Variants in NCOA1 observed in about 807,000 individuals in gnomAD.
NCOA1 encodes Hin-2 protein.
NCOA1 carries 35 observed loss-of-function variants against 150.9 expected under a neutral mutation model. The observed-to-expected ratio is 0.23, with a 90% confidence interval of 0.18 to 0.31. The LOEUF is 0.31. Among genes scored for constraint, NCOA1 ranks in the 10% least tolerant of loss-of-function variants. The pLI is 1.00. For synonymous variants in NCOA1, 590 were observed against 630.0 expected (o/e 0.94, Z 0.95); for missense variants, 1,491 against 1,749.3 (o/e 0.85, Z 2.63).
At position 24,568,781 on chromosome 2, in the gene NCOA1, C is replaced by G. The variant is rs572762974; in HGVS notation, c.-260+4351C>G. On this transcript the variant is annotated intron_variant, in intron 2 of 22. Coordinates refer to ENST00000348332, the MANE Select transcript of NCOA1 (RefSeq NM_003743.5). Reference sequence around the variant, plus strand: ...GCACAAATTCTTTATCAAAGACATACCATCTGGAAAAGCAATTACTGTCAT... The same window carrying G: ...GCACAAATTCTTTATCAAAGACATAGCATCTGGAAAAGCAATTACTGTCAT... 4.9e-4 allele frequency among the ~76,000 whole-genome samples: 75 copies of G among 152,260 alleles called. 1 individual carries two copies. In the South Asian group the frequency reaches 0.015, roughly 30 times the overall value.
At chr2:24,495,043 G>A (rs1245471782) in intron 1 of NCOA1, among the ~76,000 whole-genome samples, 1 of 149,716 alleles carries the variant, frequency 6.7e-6, no homozygotes, top group Non-Finnish European at 1.5e-5. Context: ...TGGCCTAGTG[G>A]CAACTAGGTA....
chr2:24,575,014 CTG>C (rs1666896100), intron 2 of NCOA1, among the ~76,000 whole-genome samples: 1 of 152,018 alleles, frequency 6.6e-6, no homozygotes, highest in Non-Finnish European at 1.5e-5. Context: ...TCTTATGAAT[CTG>C]TAAGTTTCTG....
At chr2:24,764,362 A>AT (rs984558528) in intron 22 of NCOA1, among the ~76,000 whole-genome samples, 2 of 152,236 alleles carry the variant, frequency 1.3e-5, no homozygotes, top group African/African-American at 4.8e-5. Context: ...AAATTATTAA[A>AT]TTTATGTTAC....
At chr2:24,589,651 G>GTGTA (rs1354386817) in intron 3 of NCOA1, among the ~76,000 whole-genome samples, 1 of 149,204 alleles carries the variant, frequency 6.7e-6, no homozygotes, top group Non-Finnish European at 1.5e-5. Flanking sequence ...GTGTGTGTGT[G>GTGTA]TGTGTGTGTG....
In NCOA1 at chr2:24,677,644, G is replaced by A. The variant is rs186878194; in HGVS notation, c.354+4181G>A. On this transcript the variant is annotated intron_variant, in intron 7 of 22. Transcript: ENST00000348332. The stretch of plus-strand genomic sequence containing the variant: ...TCGCCATGTTGGCCAGTCTGGTCTC[G>A]AACTCCTGGCCTCACATGATCCACC... 5.7e-3 allele frequency among the ~76,000 whole-genome samples: 841 copies of A among 148,658 alleles called. 6 individuals carry two copies. The highest frequency in any genetic ancestry group is 1.0e-2 in the Non-Finnish European group (659 of 66,026).
chr2:24,603,718 C>T (rs1157622168), intron 3 of NCOA1, among the ~76,000 whole-genome samples: 1 of 152,162 alleles, frequency 6.6e-6, no homozygotes, highest in East Asian at 1.9e-4. Flanking sequence ...CTGTTTTTAC[C>T]ATATCTGCGG....
intron 11 of NCOA1, among the ~76,000 whole-genome samples, chr2:24,701,719 A>T (rs1461213139): frequency 1.3e-5 from 2 of 152,232 alleles, no homozygotes; most frequent in Non-Finnish European, 2.9e-5. Flanking sequence ...CTTTTAAAAA[A>T]TATAGTTAAG....
rs552406144 is a variant in NCOA1, at chr2:24,667,974, A to G, written c.256+2059A>G. On this transcript the variant is annotated intron_variant, in intron 6 of 22. Coordinates refer to ENST00000348332, the MANE Select transcript of NCOA1 (RefSeq NM_003743.5). The stretch of plus-strand genomic sequence containing the variant: ...ATCTGACATATGACATACTTTATAT[A>G]TTATTTGCCTGCCCCCACTAGAGTT... Among the ~76,000 whole-genome samples, 3 of 152,260 alleles carry G rather than the reference A, an allele frequency of 2.0e-5. No homozygotes were observed. The East Asian group carries it at 5.8e-4, about 29-fold the overall frequency.
At chr2:24,733,466 G>A (rs1055083634) in intron 17 of NCOA1, among the ~76,000 whole-genome samples, 6 of 152,264 alleles carry the variant, frequency 3.9e-5, no homozygotes, top group East Asian at 1.9e-4. Flanking sequence ...GAATCTGGCC[G>A]GGCACAGTGG....
intron 1 of NCOA1, among the ~76,000 whole-genome samples, chr2:24,498,205 G>A (rs1202506118): frequency 6.6e-6 from 1 of 152,148 alleles, no homozygotes; most frequent in Non-Finnish European, 1.5e-5. Context: ...ATTCTAAATG[G>A]TACAGGTAGT....
chr2:24,701,207 A>T (rs1309340158), intron 11 of NCOA1, among the ~76,000 whole-genome samples: 1 of 152,044 alleles, frequency 6.6e-6, no homozygotes, highest in Non-Finnish European at 1.5e-5. Flanking sequence ...ACATATTGTT[A>T]TATTAAAAAG....
intron 8 of NCOA1, among the ~76,000 whole-genome samples, chr2:24,688,471 T>C: frequency 6.6e-6 from 1 of 152,226 alleles, no homozygotes; most frequent in Non-Finnish European, 1.5e-5. Context: ...AGTATCTCAT[T>C]GTGGTTTTGA....
In NCOA1 at chr2:24,577,374, T is replaced by C. The variant is rs543582415; in HGVS notation, c.-259-7102T>C. On this transcript the variant is annotated intron_variant, in intron 2 of 22. Coordinates refer to ENST00000348332, the MANE Select transcript of NCOA1 (RefSeq NM_003743.5). Reference sequence around the variant, plus strand: ...AAAAAAGAAACATTAAGTTTATTTTTTAAATCCTTAAAGGTTTACTGACAG... The same window carrying C: ...AAAAAAGAAACATTAAGTTTATTTTCTAAATCCTTAAAGGTTTACTGACAG... Among the ~76,000 whole-genome samples, 119 of 152,348 alleles carry C rather than the reference T, an allele frequency of 7.8e-4. 1 individual carries two copies. The highest frequency in any genetic ancestry group is 2.7e-3 in the African/African-American group (113 of 41,584).
At chr2:24,541,699 T>C (rs1665406290) in intron 1 of NCOA1, among the ~76,000 whole-genome samples, 1 of 152,248 alleles carries the variant, frequency 6.6e-6, no homozygotes, top group East Asian at 1.9e-4. Flanking sequence ...AACACTGATC[T>C]AAATAATCCT....
At chr2:24,752,528 C>G (rs897455226) in intron 20 of NCOA1, among the ~76,000 whole-genome samples, 1 of 152,152 alleles carries the variant, frequency 6.6e-6, no homozygotes, top group Non-Finnish European at 1.5e-5. Context: ...GCTGACAGTA[C>G]AGAAAAGTGA....
intron 3 of NCOA1, among the ~76,000 whole-genome samples, chr2:24,586,734 G>T (rs924772797): frequency 2.6e-5 from 4 of 152,162 alleles, no homozygotes; most frequent in African/African-American, 7.2e-5. Flanking sequence ...GATTACAGGC[G>T]TGAGCCACCA....
intron 14 of NCOA1, among the ~76,000 whole-genome samples, chr2:24,717,562 CCT>C (rs1446723300): frequency 2.0e-5 from 3 of 151,860 alleles, no homozygotes; most frequent in Non-Finnish European, 2.9e-5. Flanking sequence ...CTAAAAATCC[CCT>C]GTGTTCATAT....
intron 13 of NCOA1, among the ~76,000 whole-genome samples, chr2:24,708,967 A>G (rs540807165): frequency 1.3e-5 from 2 of 152,252 alleles, no homozygotes; most frequent in East Asian, 3.9e-4. Context: ...GCCTTCCCCA[A>G]GTATCCCTAG....
At chr2:24,506,234 G>A (rs570306455) in intron 1 of NCOA1, among the ~76,000 whole-genome samples, 21 of 151,962 alleles carry the variant, frequency 1.4e-4, no homozygotes, top group African/African-American at 4.8e-4. Context: ...CCAGGTCTCG[G>A]TACCAGGAAA....
Sources: gnomAD v4.1 joint callset for allele counts (sites outside exome capture counted in the v4.1 genomes callset) on GRCh38, gnomAD v4.1.1 for gene constraint, MANE v1.5 for transcripts, NCBI Gene and HGNC (gene_info 2026-07-23, HGNC 2026-07-21) for gene names.